SYNPO: variants seen among roughly 807,000 people sequenced by gnomAD.
SYNPO encodes the protein synaptopodin.
SYNPO carries 19 observed loss-of-function variants against 49.5 expected under a neutral mutation model. That is an observed-to-expected ratio of 0.38 (90% CI 0.27 to 0.56). The LOEUF is 0.56. Among genes scored for constraint, SYNPO ranks in the 20% least tolerant of loss-of-function variants. SYNPO has a pLI of 0.68. For synonymous variants in SYNPO, 536 were observed against 548.0 expected (o/e 0.98, Z 0.31); for missense variants, 1,131 against 1,248.3 (o/e 0.91, Z 1.42).
Position 150,656,651 on chromosome 5 carries a change from G to T in SYNPO, c.2276G>T (p.Arg759Leu). Reference protein sequence around the residue: ...PSRQLQALLARNIINAARRKS... With the variant: ...PSRQLQALLALNIINAARRKS... ...CGCCAGCTGCAGGCGCTTCTGGCGC[G>T]AAACATCATCAATGCGGCCCGGCGC... Residue 759 changes from arginine (R) to leucine (L), a missense_variant, in exon 3 of 3, where the codon CGA (arginine) becomes CTA (leucine). Around this residue, in one of 4 missense-constraint regions of SYNPO, gnomAD observed 509 missense variants for 484.5 expected, o/e 1.05. Coordinates refer to ENST00000307662, the MANE Select transcript of SYNPO (RefSeq NM_007286.6). 1 of 1,507,340 alleles carries T rather than the reference G, an allele frequency of 6.6e-7. No homozygotes were observed. The highest frequency in any genetic ancestry group is 8.8e-7 in the Non-Finnish European group (1 of 1,136,044). The allele number at this position is 1,507,340 out of a possible 1,614,324, so 93.4% of individuals were successfully genotyped here. A position where few individuals can be genotyped will look rare whatever the true frequency, so the allele number is the denominator to read the frequency against.
the SYNPO span, among the ~76,000 whole-genome samples, chr5:150,587,754 G>A: frequency 1.3e-5 from 2 of 152,188 alleles, no homozygotes; most frequent in Non-Finnish European, 2.9e-5. Context: ...AGCAAATTAG[G>A]TGTCCACAAA....
intron 1 of SYNPO, among the ~76,000 whole-genome samples, chr5:150,601,859 C>T (rs1756551360): frequency 6.6e-6 from 1 of 152,250 alleles, no homozygotes; most frequent in South Asian, 2.1e-4. Context: ...CCTGCACAAC[C>T]TCTGCCCATT....
chr5:150,601,395 C>G (rs900436355), intron 1 of SYNPO, among the ~76,000 whole-genome samples: 1 of 152,012 alleles, frequency 6.6e-6, no homozygotes. Flanking sequence ...TCCCAGGCAG[C>G]GGGGCAGAGA....
At position 150,609,452 on chromosome 5, in the gene SYNPO, G is replaced by A. The variant is rs552686562; in HGVS notation, c.-266+8264G>A. ...TGGGATTACAGGCATGCACCACCAC[G>A]CCCAGCTAATTTTTGTATTTTTAGT... On this transcript the variant is annotated intron_variant, in intron 1 of 2. Coordinates refer to the SYNPO transcript ENST00000394243. Among the ~76,000 whole-genome samples the A allele has an allele frequency of 5.3e-4, 80 of 152,158 alleles. No individual in the cohort carries two copies. In the Middle Eastern group the frequency reaches 0.01, roughly 19 times the overall value.
the SYNPO span, among the ~76,000 whole-genome samples, chr5:150,595,857 C>G: frequency 4.2e-4 from 64 of 151,360 alleles, no homozygotes; most frequent in South Asian, 0.012. Flanking sequence ...CCCCCACCCC[C>G]CCAGCTGGCT....
chr5:150,646,559 A>C (rs1166818694), intron 1 of SYNPO, among the ~76,000 whole-genome samples: 1 of 142,484 alleles, frequency 7.0e-6, no homozygotes, highest in Non-Finnish European at 1.6e-5. Flanking sequence ...CTGTCTCTAC[A>C]AAAAAAAATA....
chr5:150,652,105 C>A (rs1758409246), intron 2 of SYNPO: 1 of 1,000,900 alleles, frequency 1.0e-6, no homozygotes, highest in Non-Finnish European at 1.2e-6. Flanking sequence ...TTAGTGAGCT[C>A]ATTTCACACA....
At chr5:150,591,166 G>A in the SYNPO span, among the ~76,000 whole-genome samples, 1 of 152,344 alleles carries the variant, frequency 6.6e-6, no homozygotes, top group African/African-American at 2.4e-5. Flanking sequence ...GAGGCAGCCA[G>A]AGTGGAAGTG....
At chr5:150,628,797 C>T (rs943286291) in intron 2 of SYNPO, among the ~76,000 whole-genome samples, 2 of 152,132 alleles carry the variant, frequency 1.3e-5, no homozygotes, top group African/African-American at 4.8e-5. Flanking sequence ...AATCTCAGCT[C>T]CTCAGAAGGC....
At chr5:150,625,484 G>C (rs1489725567) in intron 2 of SYNPO, among the ~76,000 whole-genome samples, 1 of 152,184 alleles carries the variant, frequency 6.6e-6, no homozygotes, top group Non-Finnish European at 1.5e-5. Flanking sequence ...ACACCCTGGG[G>C]ACCACCCAGC....
chr5:150,604,045 T>C (rs1756624490), intron 1 of SYNPO, among the ~76,000 whole-genome samples: 1 of 152,180 alleles, frequency 6.6e-6, no homozygotes, highest in South Asian at 2.1e-4. Context: ...TTTCAAACCC[T>C]GGGGAAGCTG....
chr5:150,603,449 C>A (rs559293276), intron 1 of SYNPO, among the ~76,000 whole-genome samples: 1 of 152,356 alleles, frequency 6.6e-6, no homozygotes, highest in South Asian at 2.1e-4. Flanking sequence ...GGACATACTC[C>A]CTCACCCTCC....
chr5:150,619,670 CG>C (rs1306886247), intron 2 of SYNPO, among the ~76,000 whole-genome samples: 2 of 152,180 alleles, frequency 1.3e-5, no homozygotes, highest in East Asian at 3.9e-4. Flanking sequence ...CAGTAGATCC[CG>C]GGGGTGCAGG....
the SYNPO span, among the ~76,000 whole-genome samples, chr5:150,591,778 C>G: frequency 6.6e-6 from 1 of 152,082 alleles, no homozygotes; most frequent in Non-Finnish European, 1.5e-5. Flanking sequence ...GAGACTTGTT[C>G]TCTCTCTCTC....
At position 150,650,444 on chromosome 5, in the gene SYNPO, A is replaced by G. The variant is rs1008857030; in HGVS notation, c.2028+141A>G. On this transcript the variant is annotated intron_variant, in intron 2 of 2. Transcript: ENST00000307662. The stretch of plus-strand genomic sequence containing the variant: ...GCTGAGTGAGGAGAATGGGGAGTCC[A>G]TGGTTCAAGGTCAGATGCGGCCACC... 5.8e-6 allele frequency: 9 copies of G among 1,543,708 alleles called. No individual in the cohort carries two copies. In the Admixed American group the frequency reaches 7.9e-5, roughly 14 times the overall value.
intron 1 of SYNPO, among the ~76,000 whole-genome samples, chr5:150,643,840 C>CT (rs1452482847): frequency 6.6e-6 from 1 of 152,074 alleles, no homozygotes; most frequent in Non-Finnish European, 1.5e-5. Flanking sequence ...GCTGAGAAGA[C>CT]TTTTTCTCTG....
At chr5:150,618,815 C>T (rs1383788405) in intron 2 of SYNPO, 3 of 1,547,730 alleles carry the variant, frequency 1.9e-6, no homozygotes, top group Non-Finnish European at 2.6e-6. Context: ...CACTGGAGAC[C>T]CCCCAGGTCC....
intron 2 of SYNPO, among the ~76,000 whole-genome samples, chr5:150,655,918 TGGGAC>T (rs1758534502): frequency 1.3e-5 from 2 of 152,266 alleles, no homozygotes; most frequent in Non-Finnish European, 2.9e-5. Context: ...CCCAAAGTGC[TGGGAC>T]TACAGGCGCG....
chr5:150,620,897 T>C (rs1240898993), intron 2 of SYNPO, among the ~76,000 whole-genome samples: 14 of 110,444 alleles, frequency 1.3e-4, no homozygotes, highest in South Asian at 6.5e-4. Context: ...TTTTCTTTTT[T>C]TCTCTTTCTT....
Sources: gnomAD v4.1 joint callset for allele counts (sites outside exome capture counted in the v4.1 genomes callset) on GRCh38, gnomAD v4.1.1 for gene constraint, gnomAD v4.1.1 regional missense constraint, MANE v1.5 for transcripts, NCBI Gene and HGNC (gene_info 2026-07-23, HGNC 2026-07-21) for gene names.